The following OTUD6B variants were observed in gnomAD, a reference collection of about 807,000 sequenced individuals.
OTUD6B encodes the protein deubiquitinase OTUD6B.
Under a neutral mutation model 36.9 loss-of-function variants are expected in OTUD6B, and 41 were observed. The observed-to-expected ratio is 1.11, with a 90% CI of 0.87 to 1.44. OTUD6B has a LOEUF of 1.44. Among genes scored for constraint, OTUD6B ranks in the 40% most tolerant of loss-of-function variants. OTUD6B has a pLI of 0.00. For missense variants in OTUD6B, 356 were observed against 344.8 expected (o/e 1.03, Z -0.26); for synonymous variants, 114 against 114.2 (o/e 1.00, Z 0.01).
Position 91,084,860 on chromosome 8 carries a change from T to C in OTUD6B, c.874T>C (p.Cys292Arg). ...TRLVNIVTEN[C>R]S The stretch of plus-strand genomic sequence containing the variant: ...GTTGGTAAACATAGTTACTGAAAAT[T>C]GCAGCTAATTTATACAATGTTGTAC... Residue 292 changes from cysteine to arginine, a missense_variant, in exon 7 of 7, where the codon TGC becomes CGC. Transcript: ENST00000404789. The C allele has an allele frequency of 6.6e-7, 1 of 1,525,132 alleles. No individual in the cohort carries two copies. The highest frequency in any genetic ancestry group is 9.0e-7 in the Non-Finnish European group (1 of 1,109,750). The allele number at this position is 1,525,132 out of a possible 1,614,324, so 94.5% of individuals were successfully genotyped here.
At chr8:91,075,049 TA>T (rs536741757) in intron 3 of OTUD6B, among the ~76,000 whole-genome samples, 96 of 152,188 alleles carry the variant, frequency 6.3e-4, no homozygotes, top group Non-Finnish European at 8.5e-4. Flanking sequence ...GTATGCCTCT[TA>T]AAAATGTAAC....
At chr8:91,082,389 CT>C (rs1812922590) in intron 5 of OTUD6B, among the ~76,000 whole-genome samples, 1 of 151,920 alleles carries the variant, frequency 6.6e-6, no homozygotes, top group African/African-American at 2.4e-5. Flanking sequence ...TTTTTACTTT[CT>C]TTTTGAGACA....
intron 5 of OTUD6B, 32 bp downstream of exon 5, chr8:91,080,762 G>T (rs1167278848): frequency 1.3e-6 from 2 of 1,508,116 alleles, no homozygotes; most frequent in African/African-American, 1.4e-5. Context: ...GTGATTGTGG[G>T]TTGTTAAATT....
chr8:91,070,507 T>G (rs1211257864), intron 1 of OTUD6B, 41 bp downstream of exon 1: 3 of 1,544,870 alleles, frequency 1.9e-6, no homozygotes, highest in Non-Finnish European at 2.6e-6. Flanking sequence ...CCGCCGCGAC[T>G]GGGGGAAGGG....
At position 91,081,668 on chromosome 8, in the gene OTUD6B, C is replaced by T. The variant is rs1186009435; in HGVS notation, c.690+938C>T. On this transcript the variant is annotated intron_variant, in intron 5 of 6. Coordinates refer to ENST00000404789, the MANE Select transcript of OTUD6B (RefSeq NM_016023.5). Reference sequence around the variant, plus strand: ...GAAGTGCCAGATGGATGAACCTAGGCAGTACGATTAGTAATATATAATGAT... The same window carrying T: ...GAAGTGCCAGATGGATGAACCTAGGTAGTACGATTAGTAATATATAATGAT... 1.3e-5 allele frequency among the ~76,000 whole-genome samples: 2 copies of T among 152,132 alleles called. 1 individual carries two copies. Among genetic ancestry groups the T allele is most frequent in the Non-Finnish European group, 2.9e-5 (2 of 68,036 alleles).
At chr8:91,076,274 G>A (rs182009584) in intron 3 of OTUD6B, among the ~76,000 whole-genome samples, 8 of 151,982 alleles carry the variant, frequency 5.3e-5, no homozygotes, top group East Asian at 3.9e-4. Context: ...TCTTTTATAC[G>A]TTTTTATTAG....
At chr8:91,073,709 C>G in intron 2 of OTUD6B, 122 bp from the exon 3 acceptor site, 5 of 1,249,420 alleles carry the variant, frequency 4.0e-6, no homozygotes, top group Non-Finnish European at 5.1e-6. Context: ...GAGACAAAAC[C>G]ATATTATCTA....
At chr8:91,071,474 G>T (rs1812697241) in intron 2 of OTUD6B, among the ~76,000 whole-genome samples, 185 bp downstream of exon 2, 2 of 150,630 alleles carry the variant, frequency 1.3e-5, no homozygotes, top group Admixed American at 6.6e-5. Context: ...TCAGCCTCCC[G>T]AGTAGCTGGT....
At chr8:91,083,010 G>T (rs763075971) in intron 5 of OTUD6B, among the ~76,000 whole-genome samples, 1 of 151,622 alleles carries the variant, frequency 6.6e-6, no homozygotes, top group African/African-American at 2.4e-5. Flanking sequence ...TGCCTGGCCC[G>T]TAATCATAAT....
Position 91,073,901 on chromosome 8 carries a change from A to C in OTUD6B, c.305A>C (p.Gln102Pro). The change falls in exon 3 of 7, where the codon CAA becomes CCA. Residue 102 changes from glutamine to proline, a missense_variant. Transcript: ENST00000404789. Reference sequence around the variant, plus strand: ...CAGCCACCTCGGATATCAAAAGCACAAAAGAGACGGGTATGAAAGTCATGT... The same window carrying C: ...CAGCCACCTCGGATATCAAAAGCACCAAAGAGACGGGTATGAAAGTCATGT... Reference protein sequence around the residue: ...ENQPPRISKAQKRREKKAALE... With the variant: ...ENQPPRISKAPKRREKKAALE... 1 of 1,589,180 alleles carries C rather than the reference A, an allele frequency of 6.3e-7. No homozygotes were observed.
intron 3 of OTUD6B, among the ~76,000 whole-genome samples, chr8:91,077,235 T>TAC (rs112224127): frequency 0.029 from 4,349 of 151,676 alleles, 187 homozygotes; most frequent in African/African-American, 0.098. Flanking sequence ...CATACAGACA[T>TAC]ACACACACAT....
intron 5 of OTUD6B, among the ~76,000 whole-genome samples, chr8:91,081,765 A>G (rs542134631): frequency 6.6e-6 from 1 of 152,300 alleles, no homozygotes; most frequent in African/African-American, 2.4e-5. Flanking sequence ...AAGATGCAAC[A>G]TGAATGTTGC....
intron 1 of OTUD6B, 97 bp from the exon 2 acceptor site, chr8:91,071,041 C>A: frequency 3.3e-6 from 5 of 1,499,568 alleles, no homozygotes; most frequent in East Asian, 2.5e-5. Flanking sequence ...ATTACTTTTT[C>A]TGTACCCTTC....
chr8:91,073,121 A>G (rs1812729553), intron 2 of OTUD6B, among the ~76,000 whole-genome samples: 1 of 152,142 alleles, frequency 6.6e-6, no homozygotes, highest in Non-Finnish European at 1.5e-5. Flanking sequence ...CAGCCTTTGC[A>G]GACTTCTGTC....
chr8:91,084,063 C>T lies in OTUD6B; in HGVS notation c.746C>T (p.Ser249Phe), dbSNP rs1347718150. ...CCAATAGAGATAATACAGGCAGATT[C>T]TCCTCCCATTATAGTTGGTGAAGAA... Reference protein sequence around the residue: ...QTPIEIIQADSPPIIVGEEYS... With the variant: ...QTPIEIIQADFPPIIVGEEYS... Residue 249 changes from serine to phenylalanine, a missense_variant, in exon 6 of 7, where the codon TCT becomes TTT. Coordinates refer to ENST00000404789, the MANE Select transcript of OTUD6B (RefSeq NM_016023.5). 1 of 1,579,376 alleles carries T rather than the reference C, an allele frequency of 6.3e-7. No homozygotes were observed. Among genetic ancestry groups the T allele is most frequent in the Non-Finnish European group, 8.6e-7 (1 of 1,161,080 alleles).
At chr8:91,071,095 T>C in intron 1 of OTUD6B, 43 bp from the exon 2 acceptor site, 1 of 1,603,276 alleles carries the variant, frequency 6.2e-7, no homozygotes, top group South Asian at 1.1e-5. Context: ...TCATCTCCTT[T>C]TACTCCTGCG....
intron 1 of OTUD6B, among the ~76,000 whole-genome samples, chr8:91,070,680 C>G (rs896327469): frequency 6.6e-6 from 1 of 152,028 alleles, no homozygotes; most frequent in Non-Finnish European, 1.5e-5. Context: ...GGCGTGCCCC[C>G]TACCCCGCGC....
chr8:91,081,776 C>T (rs1385008271), intron 5 of OTUD6B, among the ~76,000 whole-genome samples: 2 of 152,004 alleles, frequency 1.3e-5, no homozygotes, highest in Non-Finnish European at 2.9e-5. Flanking sequence ...TGAATGTTGC[C>T]CCAAAATCTT....
At chr8:91,071,853 G>C (rs1362934446) in intron 2 of OTUD6B, among the ~76,000 whole-genome samples, 1 of 152,148 alleles carries the variant, frequency 6.6e-6, no homozygotes, top group Non-Finnish European at 1.5e-5. Context: ...ATCAAAGTTG[G>C]AAGACCAGGC....
Sources: gnomAD v4.1 joint callset for allele counts (sites outside exome capture counted in the v4.1 genomes callset) on GRCh38, gnomAD v4.1.1 for gene constraint, MANE v1.5 for transcripts, NCBI Gene and HGNC (gene_info 2026-07-23, HGNC 2026-07-21) for gene names.